The following C6orf141 variants were observed in gnomAD, a reference collection of about 807,000 sequenced individuals.
C6orf141 encodes chromosome 6 open reading frame 141, also known as uncharacterized protein C6orf141.
For missense variants in C6orf141, 361 were observed against 335.8 expected (o/e 1.07, Z -0.59); for synonymous variants, 164 against 140.5 (o/e 1.17, Z -1.18).
chr6:49,554,662 C>G (rs1205785284), downstream of C6orf141, among the ~76,000 whole-genome samples: 1 of 151,952 alleles, frequency 6.6e-6, no homozygotes, highest in African/African-American at 2.4e-5. Context: ...GATTACAGGC[C>G]TGAGCCACCA....
chr6:49,556,660 G>A (rs1236397169), downstream of C6orf141, among the ~76,000 whole-genome samples: 4 of 152,084 alleles, frequency 2.6e-5, no homozygotes, highest in Non-Finnish European at 5.9e-5. Context: ...AGAGGGGTGG[G>A]GAAAAGGTGG....
chr6:49,553,523 G>A (rs967453174), downstream of C6orf141, among the ~76,000 whole-genome samples: 1 of 152,168 alleles, frequency 6.6e-6, no homozygotes, highest in Non-Finnish European at 1.5e-5. Context: ...TATTAATTTG[G>A]TTGAATCATC....
rs765351045 is a variant in C6orf141 at position 49,550,881 on chromosome 6, G to T, written c.89G>T (p.Gly30Val). ...MDSSRSLGDL[G>V]PFPREVGRGA... ...TCCTCCCGCAGCCTGGGGGACCTCGGGCCTTTTCCGCGGGAGGTAGGGCGC... is the reference window on the plus strand; with the variant it reads ...TCCTCCCGCAGCCTGGGGGACCTCGTGCCTTTTCCGCGGGAGGTAGGGCGC... The change falls in exon 1 of 1, where the codon GGG becomes GTG. Residue 30 changes from glycine to valine, a missense_variant. Physicochemically the swap from Gly to Val is moderately radical, Grantham distance 109 (BLOSUM62 -3). Transcript: ENST00000529246. 53 of 1,519,966 alleles carry T rather than the reference G, an allele frequency of 3.5e-5. No individual in the cohort carries two copies. Among genetic ancestry groups the T allele is most frequent in the Middle Eastern group, 3.8e-4 (2 of 5,328 alleles). The allele number at this position is 1,519,966 out of a possible 1,614,324, so 94.2% of individuals were successfully genotyped here. A position where few individuals can be genotyped will look rare whatever the true frequency, so the allele number is the denominator to read the frequency against.
At chr6:49,559,993 A>C (rs1772958247) in intron 4 of C6orf141, among the ~76,000 whole-genome samples, 1 of 152,128 alleles carries the variant, frequency 6.6e-6, no homozygotes. Flanking sequence ...ATAACGTACA[A>C]AGTTACAAAT....
chr6:49,551,457 C>A lies in C6orf141; in HGVS notation c.665C>A (p.Ser222Tyr), dbSNP rs1303205264. The A allele has an allele frequency of 6.4e-7, 1 of 1,551,554 alleles. No individual in the cohort carries two copies. The highest frequency in any genetic ancestry group is 1.2e-5 in the South Asian group (1 of 84,060). The change falls in exon 1 of 1, where the codon TCC becomes TAC. Residue 222 changes from serine (S) to tyrosine (Y), a missense_variant. Coordinates refer to ENST00000529246, the MANE Select transcript of C6orf141 (RefSeq NM_001145652.2). The part of the protein sequence containing the change: ...SRALQARTGA[S>Y]RVHAAGRRVS... ...GCTCTCCAGGCACGAACAGGGGCAT[C>A]CCGCGTCCACGCCGCGGGGAGGAGG...
downstream of C6orf141, among the ~76,000 whole-genome samples, chr6:49,556,064 AT>A (rs1369051570): frequency 1.3e-5 from 2 of 152,220 alleles, no homozygotes; most frequent in Non-Finnish European, 2.9e-5. Flanking sequence ...GCTACTCAAG[AT>A]GGGCGTTCTG....
chr6:49,559,518 G>A (rs1365616125), intron 4 of C6orf141, among the ~76,000 whole-genome samples: 1 of 151,908 alleles, frequency 6.6e-6, no homozygotes, highest in Non-Finnish European at 1.5e-5. Context: ...CCTAGGCATG[G>A]GGTATTATCT....
At chr6:49,554,333 G>C (rs535387970), downstream of C6orf141, among the ~76,000 whole-genome samples, 117 of 152,294 alleles carry the variant, frequency 7.7e-4, 1 homozygote, top group African/African-American at 2.6e-3. Flanking sequence ...AGCCAAAAAC[G>C]TATTTAGTCA....
At chr6:49,553,689 A>G (rs1367801954), downstream of C6orf141, among the ~76,000 whole-genome samples, 1 of 152,030 alleles carries the variant, frequency 6.6e-6, no homozygotes, top group Non-Finnish European at 1.5e-5. Flanking sequence ...CCTCTTTATT[A>G]ACTTGTGTCC....
In C6orf141 at chr6:49,550,990, G is replaced by T; in HGVS notation, c.198G>T (p.Thr66=). 1 of 1,551,068 alleles carries T rather than the reference G, an allele frequency of 6.4e-7. No individual in the cohort carries two copies. The highest frequency in any genetic ancestry group is 8.7e-7 in the Non-Finnish European group (1 of 1,146,902). ...AGGGCGGCGGCCACGAGGACAGAACGGCAGATCGGGCCCTCGGACCTCGGG... is the reference window on the plus strand; with the variant it reads ...AGGGCGGCGGCCACGAGGACAGAACTGCAGATCGGGCCCTCGGACCTCGGG... The part of the protein sequence containing the change: ...RSQGGGHEDR[T]ADRALGPRAG... The change falls in exon 1 of 1, where the codon ACG becomes ACT. Residue 66 remains threonine, a synonymous_variant. Coordinates refer to ENST00000529246, the MANE Select transcript of C6orf141 (RefSeq NM_001145652.2).
At chr6:49,559,603 A>G (rs921038451) in intron 4 of C6orf141, among the ~76,000 whole-genome samples, 2 of 151,986 alleles carry the variant, frequency 1.3e-5, no homozygotes, top group Non-Finnish European at 2.9e-5. Context: ...CAAACCCCTG[A>G]GTGTTAAATT....
At position 49,551,369 on chromosome 6, in the gene C6orf141, C is replaced by A; in HGVS notation, c.577C>A (p.Leu193Ile). Reference protein sequence around the residue: ...TRTEEHFVTALTFRSSREGQP... With the variant: ...TRTEEHFVTAITFRSSREGQP... Reference sequence around the variant, plus strand: ...GACTGAGGAGCACTTCGTGACCGCGCTCACTTTTCGCAGCAGTAGAGAGGG... The same window carrying A: ...GACTGAGGAGCACTTCGTGACCGCGATCACTTTTCGCAGCAGTAGAGAGGG... Residue 193 changes from leucine (L) to isoleucine (I), a missense_variant, in exon 1 of 1, where the codon CTC becomes ATC. Leu to Ile is a conservative substitution (Grantham distance 5). Coordinates refer to ENST00000529246, the MANE Select transcript of C6orf141 (RefSeq NM_001145652.2). 1 of 1,551,686 alleles carries A rather than the reference C, an allele frequency of 6.4e-7. No homozygotes were observed. Among genetic ancestry groups the A allele is most frequent in the Non-Finnish European group, 8.7e-7 (1 of 1,146,990 alleles).
chr6:49,558,715 G>T (rs571531000), intron 4 of C6orf141, among the ~76,000 whole-genome samples: 68 of 150,554 alleles, frequency 4.5e-4, no homozygotes, highest in African/African-American at 1.4e-3. Context: ...TATTTTTTTT[G>T]GGGGGGGTGC....
At position 49,551,230 on chromosome 6, in the gene C6orf141, C is replaced by A. The variant is rs1343358433; in HGVS notation, c.438C>A (p.Ala146=). The change falls in exon 1 of 1, where the codon GCC becomes GCA. Residue 146 remains alanine, a synonymous_variant. Coordinates refer to ENST00000529246, the MANE Select transcript of C6orf141 (RefSeq NM_001145652.2). ...AGCGAATTTCTGGCAGGCGTGTAGCCCCGCCGCGGGACGCAGCAGACCCAC... is the reference window on the plus strand; with the variant it reads ...AGCGAATTTCTGGCAGGCGTGTAGCACCGCCGCGGGACGCAGCAGACCCAC... ...RQKRISGRRV[A]PPRDAADPPK... The A allele has an allele frequency of 1.3e-6, 2 of 1,551,462 alleles. No individual in the cohort carries two copies. Among genetic ancestry groups the A allele is most frequent in the Non-Finnish European group, 1.7e-6 (2 of 1,146,936 alleles).
At chr6:49,554,276 T>G (rs1771304521), downstream of C6orf141, among the ~76,000 whole-genome samples, 1 of 152,238 alleles carries the variant, frequency 6.6e-6, no homozygotes, top group African/African-American at 2.4e-5. Flanking sequence ...GATGCCCTGT[T>G]GTCTAGAAAA....
Position 49,557,754 on chromosome 6 carries a change from C to T in C6orf141, c.*763+2597C>T, listed in dbSNP as rs904315474. 3.9e-5 allele frequency among the ~76,000 whole-genome samples: 6 copies of T among 152,304 alleles called. No homozygotes were observed. In the East Asian group the frequency reaches 5.8e-4, roughly 15 times the overall value. On this transcript the variant is annotated intron_variant and NMD_transcript_variant, in intron 4 of 4. Transcript: ENST00000371194. ...AGTGCCAATCAGCAAACATAGATGG[C>T]ATAATCACATTGACCAATGTCCCTT... is the stretch of plus-strand genomic sequence containing the variant.
At chr6:49,557,741 C>A (rs1268633509) in intron 4 of C6orf141, among the ~76,000 whole-genome samples, 2 of 152,152 alleles carry the variant, frequency 1.3e-5, no homozygotes, top group African/African-American at 4.8e-5. Context: ...TGCCAATCAG[C>A]AAACATAGAT....
intron 4 of C6orf141, among the ~76,000 whole-genome samples, chr6:49,558,059 GTT>G (rs71002664): frequency 1.2e-3 from 118 of 97,762 alleles, no homozygotes; most frequent in Admixed American, 3.9e-3. Flanking sequence ...ACTCAAATAT[GTT>G]TTTTTTTTTT....
At chr6:49,558,166 G>A (rs575343170) in intron 4 of C6orf141, among the ~76,000 whole-genome samples, 14 of 145,994 alleles carry the variant, frequency 9.6e-5, no homozygotes, top group Non-Finnish European at 1.9e-4. Flanking sequence ...GCCTCCCAAA[G>A]TGCTCGGATA....
Sources: gnomAD v4.1 joint callset for allele counts (sites outside exome capture counted in the v4.1 genomes callset) on GRCh38, gnomAD v4.1.1 for gene constraint, MANE v1.5 for transcripts, NCBI Gene and HGNC (gene_info 2026-07-23, HGNC 2026-07-21) for gene names.